Variants in PRKCH observed in about 807,000 individuals in gnomAD.
PRKCH encodes protein kinase C eta type.
Under a neutral mutation model 82.5 loss-of-function variants are expected in PRKCH, and 28 were observed. That is an observed-to-expected ratio of 0.34 (90% CI 0.25 to 0.47). The LOEUF is 0.47. Among genes scored for constraint, PRKCH ranks in the 20% least tolerant of loss-of-function variants. The probability of loss-of-function intolerance (pLI) is 1.00; values close to 1 mark genes in which losing one functional copy is unlikely to be tolerated. For missense variants in PRKCH, 705 were observed against 881.8 expected (o/e 0.80, Z 2.54); for synonymous variants, 322 against 327.4 (o/e 0.98, Z 0.18).
chr14:61,448,284 A>T (rs1351937144), intron 4 of PRKCH, among the ~76,000 whole-genome samples: 1 of 152,198 alleles, frequency 6.6e-6, no homozygotes, highest in African/African-American at 2.4e-5. Flanking sequence ...TCTTAAGATG[A>T]TATACATTTT....
At chr14:61,359,014 C>T (rs1235184942) in intron 1 of PRKCH, among the ~76,000 whole-genome samples, 2 of 152,206 alleles carry the variant, frequency 1.3e-5, no homozygotes, top group African/African-American at 4.8e-5. Flanking sequence ...GATGCACTTA[C>T]CACGTTGGAT....
chr14:61,333,807 C>T (rs117354729), intron 1 of PRKCH, among the ~76,000 whole-genome samples: 1,986 of 152,224 alleles, frequency 0.013, 27 homozygotes, highest in Non-Finnish European at 0.016. Context: ...CTTTTTCATA[C>T]GCTTTTTCTT....
chr14:61,310,984 G>A (rs1043187565), intron 1 of PRKCH, among the ~76,000 whole-genome samples: 1 of 152,258 alleles, frequency 6.6e-6, no homozygotes, highest in South Asian at 2.1e-4. Flanking sequence ...AGCCACAGCT[G>A]GAGCTGAAGC....
intron 1 of PRKCH, chr14:61,277,417 C>T (rs1036334297): frequency 9.9e-5 from 15 of 152,150 alleles, no homozygotes; most frequent in African/African-American, 3.6e-4. Flanking sequence ...AAGCTCATTT[C>T]CAGTCCAATT....
intron 1 of PRKCH, among the ~76,000 whole-genome samples, chr14:61,270,372 T>C (rs1328280272): frequency 6.6e-6 from 1 of 152,088 alleles, no homozygotes. Context: ...GAGTCTGTAA[T>C]ACAAAAGCCA....
chr14:61,303,368 CT>C (rs939545458), intron 1 of PRKCH: 1 of 152,088 alleles, frequency 6.6e-6, no homozygotes, highest in African/African-American at 2.4e-5. Flanking sequence ...ATACTTGAAG[CT>C]TTTTAGTCAC....
At chr14:61,230,250 T>A (rs2044731756) in intron 1 of PRKCH, among the ~76,000 whole-genome samples, 1 of 152,182 alleles carries the variant, frequency 6.6e-6, no homozygotes, top group Non-Finnish European at 1.5e-5. Context: ...GTCTTTCACC[T>A]CATTCGGACC....
intron 1 of PRKCH, among the ~76,000 whole-genome samples, chr14:61,198,043 A>C (rs2044453075): frequency 6.6e-6 from 1 of 150,646 alleles, no homozygotes. Context: ...TACATCCTGC[A>C]AATATTTTTA....
chr14:61,210,786 C>CTGTGTGTGTGTGTGTG (rs1468572450), intron 1 of PRKCH, among the ~76,000 whole-genome samples: 1 of 104,022 alleles, frequency 9.6e-6, no homozygotes, highest in African/African-American at 3.3e-5. Flanking sequence ...CTCTCTCTCT[C>CTGTGTGTGTGTGTGTG]TCTCTGTGTG....
chr14:61,502,545 G>A (rs752185385), intron 10 of PRKCH, among the ~76,000 whole-genome samples: 4 of 152,108 alleles, frequency 2.6e-5, no homozygotes, highest in Non-Finnish European at 5.9e-5. Flanking sequence ...TAGAGCAGTT[G>A]CACCAGTCAT....
rs753643939 is a variant in PRKCH, at chr14:61,443,228, C to T, written c.545C>T (p.Pro182Leu). The T allele has an allele frequency of 6.2e-7, 1 of 1,614,062 alleles. No individual in the cohort carries two copies. Among genetic ancestry groups the T allele is most frequent in the Admixed American group, 1.7e-5 (1 of 60,014 alleles). ...HKFMATYLRQ[P>L]TYCSHCREFI... ...TTCATGGCCACGTATCTGAGGCAGC[C>T]CACCTACTGCTCTCACTGCAGGGAG... The change falls in exon 3 of 14, where the codon CCC (proline) becomes CTC (leucine). Residue 182 changes from proline to leucine, a missense_variant. By Grantham distance (98) the Pro-to-Leu change is moderately conservative. Transcript: ENST00000332981.
Position 61,457,197 on chromosome 14 carries a change from C to T in PRKCH, c.982C>T (p.Leu328=). ...PTSKLVSRST[L]RRQGKESSKE... ...TCAGAAACTCGTTTCCAGATCGACC[C>T]TAAGACGACAGGGAAAGGAGAGCAG... The change falls in exon 8 of 14, where the codon CTA becomes TTA. Residue 328 remains leucine, a synonymous_variant. Coordinates refer to ENST00000332981, the MANE Select transcript of PRKCH (RefSeq NM_006255.5). 6.2e-7 allele frequency: 1 copy of T among 1,614,110 alleles called. No homozygotes were observed. The highest frequency in any genetic ancestry group is 8.5e-7 in the Non-Finnish European group (1 of 1,180,000).
chr14:61,332,707 T>A (rs936341903), intron 1 of PRKCH, among the ~76,000 whole-genome samples: 15 of 152,236 alleles, frequency 9.9e-5, no homozygotes, highest in African/African-American at 3.1e-4. Context: ...GTATTTCCAA[T>A]TTCAGACCTA....
chr14:61,482,040 G>A (rs1438844332), intron 9 of PRKCH, among the ~76,000 whole-genome samples: 4 of 135,832 alleles, frequency 2.9e-5, no homozygotes, highest in African/African-American at 1.1e-4. Flanking sequence ...CTGTCTCCCA[G>A]GCTGGAGTGC....
chr14:61,212,936 A>G (rs1270612595), intron 1 of PRKCH, among the ~76,000 whole-genome samples: 1 of 152,234 alleles, frequency 6.6e-6, no homozygotes, highest in Admixed American at 6.5e-5. Flanking sequence ...TTCCTGGGCC[A>G]TAAAATATCC....
intron 1 of PRKCH, among the ~76,000 whole-genome samples, chr14:61,236,683 G>C (rs547660401): frequency 7.2e-6 from 1 of 139,394 alleles, no homozygotes; most frequent in Non-Finnish European, 1.5e-5. Flanking sequence ...CTCCAGCCTG[G>C]GCGACAGAGA....
At chr14:61,405,439 G>A (rs367724901) in intron 2 of PRKCH, among the ~76,000 whole-genome samples, 8 of 151,536 alleles carry the variant, frequency 5.3e-5, no homozygotes, top group South Asian at 2.1e-4. Context: ...GTGCAGTGGC[G>A]CAATCTCAGC....
intron 1 of PRKCH, among the ~76,000 whole-genome samples, chr14:61,282,112 C>T (rs952556116): frequency 1.1e-4 from 17 of 152,084 alleles, no homozygotes; most frequent in African/African-American, 3.6e-4. Flanking sequence ...AGATTATTTG[C>T]CTGACTAGAG....
intron 2 of PRKCH, among the ~76,000 whole-genome samples, chr14:61,402,426 G>C (rs1881677454): frequency 6.6e-6 from 1 of 152,198 alleles, no homozygotes; most frequent in South Asian, 2.1e-4. Context: ...AAATTACTCT[G>C]TGTGAGGCTG....
Sources: gnomAD v4.1 joint callset for allele counts (sites outside exome capture counted in the v4.1 genomes callset) on GRCh38, gnomAD v4.1.1 for gene constraint, MANE v1.5 for transcripts, NCBI Gene and HGNC (gene_info 2026-07-23, HGNC 2026-07-21) for gene names.